The following CPNE4 variants were observed in gnomAD, a reference collection of about 807,000 sequenced individuals.
The protein encoded by CPNE4 is copine-4.
A neutral mutation model predicts 67.9 loss-of-function variants in CPNE4; 25 were observed. That is an observed-to-expected ratio of 0.37 (90% CI 0.27 to 0.51). The LOEUF (loss-of-function observed/expected upper bound fraction) is 0.51. Among genes scored for constraint, CPNE4 ranks in the 20% least tolerant of loss-of-function variants. CPNE4 has a pLI of 0.93. For missense variants in CPNE4, 464 were observed against 690.8 expected (o/e 0.67, Z 3.68); for synonymous variants, 242 against 244.9 (o/e 0.99, Z 0.11).
intron 1 of CPNE4, among the ~76,000 whole-genome samples, chr3:132,022,317 A>G (rs1367108119): frequency 6.6e-6 from 1 of 152,218 alleles, no homozygotes; most frequent in Non-Finnish European, 1.5e-5. Flanking sequence ...CAGAGTGAGA[A>G]TATGCATTGT....
At chr3:131,846,552 T>G (rs370290751) in intron 2 of CPNE4, among the ~76,000 whole-genome samples, 5 of 152,266 alleles carry the variant, frequency 3.3e-5, no homozygotes, top group Admixed American at 2.0e-4. Context: ...AAAATAGATG[T>G]AGTAAGAGTG....
intron 2 of CPNE4, among the ~76,000 whole-genome samples, chr3:131,734,306 G>A (rs2082189489): frequency 6.6e-6 from 1 of 152,158 alleles, no homozygotes; most frequent in South Asian, 2.1e-4. Context: ...GTAGATGTAT[G>A]TTCTTGATAG....
chr3:131,731,252 T>C (rs1438785972), intron 2 of CPNE4, among the ~76,000 whole-genome samples: 3 of 152,204 alleles, frequency 2.0e-5, no homozygotes, highest in Non-Finnish European at 4.4e-5. Flanking sequence ...CCAGTAGACA[T>C]AGCCTGGTAC....
intron 1 of CPNE4, among the ~76,000 whole-genome samples, chr3:131,928,918 A>G (rs2070972465): frequency 6.6e-6 from 1 of 152,182 alleles, no homozygotes; most frequent in Non-Finnish European, 1.5e-5. Flanking sequence ...ACCATAAGTG[A>G]GGAGGCTCTG....
intron 1 of CPNE4, among the ~76,000 whole-genome samples, chr3:131,962,401 A>T (rs2072208385): frequency 6.6e-6 from 1 of 152,186 alleles, no homozygotes; most frequent in African/African-American, 2.4e-5. Flanking sequence ...ACTTCTCTCA[A>T]GGCCCAGTTC....
intron 15 of CPNE4, among the ~76,000 whole-genome samples, chr3:131,535,858 G>A (rs1301770771): frequency 3.3e-5 from 5 of 152,184 alleles, no homozygotes; most frequent in African/African-American, 7.2e-5. Flanking sequence ...TTAACTTGAC[G>A]CTCTAGTGAT....
In CPNE4 at chr3:131,555,500, G is replaced by A. The variant is rs765442416; in HGVS notation, c.1113C>T (p.Tyr371=). The part of the protein sequence containing the change: ...FGFGARIPPE[Y]TVSHDFAINF... ...GATCACATCTCCACTCACTCACCGT[G>A]TACTCTGGAGGTATCCTGGCGCCAA... Residue 371 remains tyrosine, a synonymous_variant, in exon 12 of 16, where the codon TAC becomes TAT. Coordinates refer to ENST00000429747, the MANE Select transcript of CPNE4 (RefSeq NM_130808.3). 5.0e-6 allele frequency: 8 copies of A among 1,612,316 alleles called. No homozygotes were observed. Among genetic ancestry groups the A allele is most frequent in the African/African-American group, 1.3e-5 (1 of 74,946 alleles).
At chr3:131,570,495 G>T (rs1006214665) in intron 10 of CPNE4, among the ~76,000 whole-genome samples, 4 of 151,742 alleles carry the variant, frequency 2.6e-5, no homozygotes, top group African/African-American at 4.8e-5. Context: ...AATACTGTAC[G>T]GCATCTGTCT....
intron 2 of CPNE4, among the ~76,000 whole-genome samples, chr3:131,845,255 C>T (rs1560450133): frequency 6.6e-6 from 1 of 152,200 alleles, no homozygotes; most frequent in Non-Finnish European, 1.5e-5. Flanking sequence ...TCTGTGCCAG[C>T]TATCATACTC....
intron 7 of CPNE4, among the ~76,000 whole-genome samples, chr3:131,657,201 G>A (rs1392996209): frequency 6.6e-6 from 1 of 152,060 alleles, no homozygotes; most frequent in Non-Finnish European, 1.5e-5. Context: ...ATTTCCTTCT[G>A]GTGTAAAGAT....
intron 1 of CPNE4, among the ~76,000 whole-genome samples, chr3:131,919,803 T>C (rs2070691787): frequency 6.6e-6 from 1 of 152,204 alleles, no homozygotes; most frequent in Non-Finnish European, 1.5e-5. Flanking sequence ...AGATTATCTT[T>C]AACATCGAAC....
At chr3:131,726,974 C>T (rs2082015525) in intron 2 of CPNE4, among the ~76,000 whole-genome samples, 1 of 152,224 alleles carries the variant, frequency 6.6e-6, no homozygotes, top group African/African-American at 2.4e-5. Context: ...CTTATCTTCT[C>T]TCTTCCCTAA....
chr3:131,592,465 C>T (rs952132115), intron 7 of CPNE4, among the ~76,000 whole-genome samples: 9 of 152,160 alleles, frequency 5.9e-5, no homozygotes, highest in East Asian at 3.9e-4. Context: ...AACCATGACA[C>T]GACAATATTA....
At chr3:131,877,712 TATG>T (rs915924497) in intron 2 of CPNE4, among the ~76,000 whole-genome samples, 12 of 152,222 alleles carry the variant, frequency 7.9e-5, no homozygotes, top group African/African-American at 2.9e-4. Flanking sequence ...TGGCTACTAT[TATG>T]ATAATGACTG....
chr3:131,605,123 G>T (rs1235921550), intron 7 of CPNE4, among the ~76,000 whole-genome samples: 3 of 152,248 alleles, frequency 2.0e-5, no homozygotes, highest in East Asian at 1.9e-4. Context: ...AGAAAGGGAT[G>T]AAGTTAGAAT....
At chr3:132,032,168 C>T (rs1218553651) in intron 1 of CPNE4, among the ~76,000 whole-genome samples, 1 of 152,156 alleles carries the variant, frequency 6.6e-6, no homozygotes, top group Non-Finnish European at 1.5e-5. Flanking sequence ...ACTTAAGAAA[C>T]AACTCAGAGC....
intron 1 of CPNE4, among the ~76,000 whole-genome samples, chr3:131,943,086 A>C (rs376966962): frequency 1.5e-4 from 23 of 152,304 alleles, no homozygotes; most frequent in African/African-American, 5.3e-4. Flanking sequence ...AAAGTAATAA[A>C]GTGGATATAA....
intron 13 of CPNE4, among the ~76,000 whole-genome samples, chr3:131,551,637 C>T (rs1468003689): frequency 6.6e-6 from 1 of 151,950 alleles, no homozygotes; most frequent in Admixed American, 6.6e-5. Flanking sequence ...ATATCATATT[C>T]TTGGCCATTA....
At chr3:131,585,773 C>G (rs184434651) in intron 8 of CPNE4, among the ~76,000 whole-genome samples, 1 of 152,284 alleles carries the variant, frequency 6.6e-6, no homozygotes, top group East Asian at 1.9e-4. Flanking sequence ...GCAATATTCT[C>G]TAGCTATATT....
Sources: gnomAD v4.1 joint callset for allele counts (sites outside exome capture counted in the v4.1 genomes callset) on GRCh38, gnomAD v4.1.1 for gene constraint, MANE v1.5 for transcripts, NCBI Gene and HGNC (gene_info 2026-07-23, HGNC 2026-07-21) for gene names.